Variants in PHC3 observed in about 807,000 individuals in gnomAD.
PHC3 encodes the protein polyhomeotic-like protein 3.
Under a neutral mutation model 107.4 loss-of-function variants are expected in PHC3, and 13 were observed. The ratio of observed to expected loss-of-function variants is 0.12; its 90% CI spans 0.08 to 0.19. The LOEUF (loss-of-function observed/expected upper bound fraction) is 0.19, where lower values mean the gene tolerates loss of function less well. Among genes scored for constraint, PHC3 ranks in the 10% least tolerant of loss-of-function variants. The pLI is 1.00. For synonymous variants in PHC3, 456 were observed against 427.4 expected (o/e 1.07, Z -0.83); for missense variants, 992 against 1,210.9 (o/e 0.82, Z 2.68).
intron 7 of PHC3, among the ~76,000 whole-genome samples, chr3:170,130,701 T>C (rs1158791352): frequency 2.0e-5 from 3 of 152,310 alleles, no homozygotes; most frequent in East Asian, 1.9e-4. Context: ...GGAATAAATA[T>C]ATGTAAGAAT....
chr3:170,110,425 T>G (rs990471513), intron 11 of PHC3, among the ~76,000 whole-genome samples: 3 of 152,230 alleles, frequency 2.0e-5, no homozygotes, highest in Admixed American at 2.0e-4. Flanking sequence ...GTGCGTTTAC[T>G]TAGTGTTCTA....
intron 7 of PHC3, among the ~76,000 whole-genome samples, chr3:170,130,911 AT>A (rs917599781): frequency 3.7e-4 from 56 of 150,438 alleles, no homozygotes; most frequent in African/African-American, 1.3e-3. Context: ...AGACAGGGCA[AT>A]TTTTTTTTTC....
intron 4 of PHC3, among the ~76,000 whole-genome samples, chr3:170,167,796 C>T (rs1419419961): frequency 6.6e-6 from 1 of 151,524 alleles, no homozygotes; most frequent in Non-Finnish European, 1.5e-5. Flanking sequence ...TAAAAATTAC[C>T]AACTGAGAAC....
chr3:170,153,679 C>T (rs1394423191), intron 4 of PHC3, among the ~76,000 whole-genome samples: 3 of 150,682 alleles, frequency 2.0e-5, no homozygotes, highest in African/African-American at 4.9e-5. Context: ...AGGAGAATGG[C>T]GTGAACCCGG....
chr3:170,170,854 A>G (rs1343652023), intron 4 of PHC3: 1 of 152,540 alleles, frequency 6.6e-6, no homozygotes, highest in African/African-American at 2.4e-5. Context: ...ATTTCCCAAT[A>G]TATATGTGCA....
At chr3:170,161,111 CA>C (rs1434335457) in intron 4 of PHC3, among the ~76,000 whole-genome samples, 1 of 152,146 alleles carries the variant, frequency 6.6e-6, no homozygotes. Flanking sequence ...GTGATGGGCA[CA>C]TGTATTTTTA....
chr3:170,158,595 T>A (rs2108652738), intron 4 of PHC3, among the ~76,000 whole-genome samples: 1 of 148,314 alleles, frequency 6.7e-6, no homozygotes, highest in Non-Finnish European at 1.5e-5. Flanking sequence ...AGAGTGAGAC[T>A]CCATCTCAAA....
In PHC3 at chr3:170,088,600, C is replaced by A. The variant is rs923870731; in HGVS notation, c.*8630G>T. Reference sequence around the variant, plus strand: ...TACATCCAAAATTATATCATCTTTGCGCATTCAGTTGACTTTTTAAAATTT... The same window carrying A: ...TACATCCAAAATTATATCATCTTTGAGCATTCAGTTGACTTTTTAAAATTT... On this transcript the variant is annotated 3_prime_UTR_variant, in exon 15 of 15. Coordinates refer to ENST00000495893, the MANE Select transcript of PHC3 (RefSeq NM_024947.4). 6.6e-6 allele frequency: 1 copy of A among 152,182 alleles called. No individual in the cohort carries two copies. Among genetic ancestry groups the A allele is most frequent in the African/African-American group, 2.4e-5 (1 of 41,528 alleles). 9.4% of individuals were successfully genotyped at this position (152,182 alleles called of 1,614,324 possible).
chr3:170,149,556 G>A (rs887924203), intron 4 of PHC3, among the ~76,000 whole-genome samples: 6 of 152,100 alleles, frequency 3.9e-5, no homozygotes, highest in African/African-American at 1.4e-4. Flanking sequence ...CTGGGTTCAA[G>A]TGATTCTCCT....
intron 2 of PHC3, among the ~76,000 whole-genome samples, chr3:170,172,983 GAGATCA>G (rs1046229334): frequency 3.9e-5 from 6 of 152,054 alleles, no homozygotes; most frequent in African/African-American, 1.4e-4. Context: ...ACAAGGTCAG[GAGATCA>G]AGACCATCCT....
At chr3:170,104,759 A>G (rs1019492286) in intron 12 of PHC3, among the ~76,000 whole-genome samples, 3 of 152,366 alleles carry the variant, frequency 2.0e-5, no homozygotes, top group African/African-American at 4.8e-5. Flanking sequence ...CCATAAAAAT[A>G]TAAGTATCTT....
intron 9 of PHC3, among the ~76,000 whole-genome samples, chr3:170,119,328 G>C (rs957911896): frequency 6.6e-6 from 1 of 152,154 alleles, no homozygotes; most frequent in African/African-American, 2.4e-5. Context: ...TACAGATTTA[G>C]AGATAAGAGA....
chr3:170,105,431 T>C (rs985898701), intron 12 of PHC3, among the ~76,000 whole-genome samples: 1 of 152,228 alleles, frequency 6.6e-6, no homozygotes, highest in East Asian at 1.9e-4. Context: ...ATTTTGGAAA[T>C]AACCTATACG....
rs774773961 is a variant in PHC3, at chr3:170,136,528, G to T, written c.810C>A (p.Ser270Arg). ...NKTTVTSSKI[S>R]QRDPSPESNK... ...TACTTTCTGGAGAAGGATCTCGTTG[G>T]CTGATTTTAGAACTGGTCACTGTTG... Residue 270 changes from serine to arginine, a missense_variant, in exon 7 of 15, where the codon AGC (serine) becomes AGA (arginine). Coordinates refer to ENST00000495893, the MANE Select transcript of PHC3 (RefSeq NM_024947.4). The T allele has an allele frequency of 1.4e-5, 23 of 1,609,634 alleles. No individual in the cohort carries two copies. Among genetic ancestry groups the T allele is most frequent in the Non-Finnish European group, 2.0e-5 (23 of 1,178,440 alleles).
intron 8 of PHC3, among the ~76,000 whole-genome samples, chr3:170,127,191 T>C (rs1480461121): frequency 6.6e-6 from 1 of 152,198 alleles, no homozygotes; most frequent in Non-Finnish European, 1.5e-5. Context: ...TTTTCTTTCC[T>C]TTTTTTGAGA....
chr3:170,101,600 C>G (rs1226999667), intron 14 of PHC3, among the ~76,000 whole-genome samples: 1 of 152,150 alleles, frequency 6.6e-6, no homozygotes, highest in Non-Finnish European at 1.5e-5. Flanking sequence ...TTAGTCTCCT[C>G]ATTTTCCATA....
rs183950394 is a variant in PHC3, at chr3:170,092,555, G to A, written c.*4675C>T. On this transcript the variant is annotated 3_prime_UTR_variant, in exon 15 of 15. Transcript: ENST00000495893. ...GTTTACTGAAATCCAGACTAGGAAAGAGAAACCTATAGCTCTTCTTTTCCC... is the reference window on the plus strand; with the variant it reads ...GTTTACTGAAATCCAGACTAGGAAAAAGAAACCTATAGCTCTTCTTTTCCC... The A allele has an allele frequency of 6.6e-6, 1 of 152,298 alleles. No homozygotes were observed. The highest frequency in any genetic ancestry group is 1.9e-4 in the East Asian group (1 of 5,182). The allele number at this position is 152,298 out of a possible 1,614,324, so 9.4% of individuals were successfully genotyped here. A position where few individuals can be genotyped will look rare whatever the true frequency, so the allele number is the denominator to read the frequency against.
Position 170,087,718 on chromosome 3 carries a change from G to A in PHC3, c.*9512C>T, listed in dbSNP as rs960824311. On this transcript the variant is annotated 3_prime_UTR_variant, in exon 15 of 15. Coordinates refer to ENST00000495893, the MANE Select transcript of PHC3 (RefSeq NM_024947.4). ...TCCATCCAGACCCACATGAAGCAAT[G>A]TTACAACAATATTCTATATGAAAAT... is the stretch of plus-strand genomic sequence containing the variant. The A allele has an allele frequency of 2.6e-5, 4 of 152,126 alleles. No homozygotes were observed. Among genetic ancestry groups the A allele is most frequent in the Admixed American group, 2.6e-4 (4 of 15,274 alleles). 9.4% of individuals were successfully genotyped at this position (152,126 alleles called of 1,614,324 possible).
intron 11 of PHC3, among the ~76,000 whole-genome samples, chr3:170,112,080 T>C (rs7632324): frequency 0.29 from 43,354 of 152,070 alleles, 6,373 homozygotes; most frequent in East Asian, 0.49. Context: ...CAATTCAGAA[T>C]CTCAGCCCAA....
Sources: allele counts gnomAD v4.1 joint callset (sites outside exome capture counted in the v4.1 genomes callset), GRCh38; gene constraint gnomAD v4.1.1; transcripts MANE v1.5; gene names NCBI Gene and HGNC (gene_info 2026-07-23, HGNC 2026-07-21).